The following TUBA1B variants were observed in gnomAD, a reference collection of about 807,000 sequenced individuals.
The protein encoded by TUBA1B is tubulin alpha-1B chain.
Under a neutral mutation model 34.4 loss-of-function variants are expected in TUBA1B, and 1 was observed. The observed-to-expected ratio is 0.03, with a 90% CI of 0.01 to 0.14. TUBA1B has a LOEUF of 0.14. Among genes scored for constraint, TUBA1B ranks in the 10% least tolerant of loss-of-function variants. The probability of loss-of-function intolerance (pLI) is 1.00; values close to 1 mark genes in which losing one functional copy is unlikely to be tolerated. For synonymous variants in TUBA1B, 197 were observed against 212.5 expected, an observed-to-expected ratio of 0.93 and a Z score of 0.64; for missense variants, 54 against 583.6, an observed-to-expected ratio of 0.09 and a Z score of 9.35.
intron 1 of TUBA1B, chr12:49,131,026 G>C (rs1941800584): frequency 2.3e-6 from 1 of 439,556 alleles, no homozygotes; most frequent in Non-Finnish European, 4.3e-6. Flanking sequence ...CGACAAAAGA[G>C]AGCTCCGGAT....
intron 1 of TUBA1B, 134 bp downstream of exon 1, chr12:49,131,164 C>G (rs1354573029): frequency 8.4e-7 from 1 of 1,183,492 alleles, no homozygotes; most frequent in African/African-American, 1.5e-5. Context: ...CCTGGCCTCT[C>G]GCCTCGTTTT....
intron 3 of TUBA1B, 130 bp downstream of exon 3, chr12:49,129,112 C>T: frequency 6.4e-7 from 1 of 1,569,582 alleles, no homozygotes; most frequent in South Asian, 1.2e-5. Context: ...TTTAGAAGTC[C>T]AATTAATATA....
rs775263264 is a variant in TUBA1B at position 49,129,326 on chromosome 12, T to C, written c.291A>G (p.Glu97=). ...CTCGGGCATAGTTATTGGCAGCATC[T>C]TCCTTGCCTGTGATGAGCTGCTCAG... ...FHPEQLITGK[E]DAANNYARGH... Residue 97 remains glutamate, a synonymous_variant, in exon 3 of 4, where the codon GAA becomes GAG. Transcript: ENST00000336023. 6.2e-7 allele frequency: 1 copy of C among 1,614,228 alleles called. No homozygotes were observed. The highest frequency in any genetic ancestry group is 1.1e-5 in the South Asian group (1 of 91,088).
In TUBA1B at chr12:49,128,980, A is replaced by G. The variant is rs1941771364; in HGVS notation, c.376-42T>C. On this transcript the variant is annotated intron_variant, in intron 3 of 3. Transcript: ENST00000336023. This position sits in a 1 kb window ranked among gnomAD's most constrained non-coding sequence, Gnocchi z 8.1. Reference sequence around the variant, plus strand: ...AAATGTAATATTTTAATGCCAGGACACATTATCTTAGAATTTCTATTTCAA... The same window carrying G: ...AAATGTAATATTTTAATGCCAGGACGCATTATCTTAGAATTTCTATTTCAA... 6.4e-7 allele frequency: 1 copy of G among 1,556,050 alleles called. No individual in the cohort carries two copies. The highest frequency in any genetic ancestry group is 1.4e-5 in the African/African-American group (1 of 72,376).
Position 49,131,378 on chromosome 12 carries a change from C to G in TUBA1B, c.-78G>C. 2 of 1,565,290 alleles carry G rather than the reference C, an allele frequency of 1.3e-6. No individual in the cohort carries two copies. Among genetic ancestry groups the G allele is most frequent in the Non-Finnish European group, 1.7e-6 (2 of 1,145,680 alleles). ...TTACCGTCCCCGACAAGCTAAGAGTCGAGGTAAGTAACGCACTAGGGCGGG... is the reference window on the plus strand; with the variant it reads ...TTACCGTCCCCGACAAGCTAAGAGTGGAGGTAAGTAACGCACTAGGGCGGG... On this transcript the variant is annotated 5_prime_UTR_variant, in exon 1 of 4. Transcript: ENST00000336023.
In TUBA1B at chr12:49,130,426, G is replaced by T. The variant is rs1330177285; in HGVS notation, c.4-704C>A. 14 of 1,179,472 alleles carry T rather than the reference G, an allele frequency of 1.2e-5. No individual in the cohort carries two copies. In the South Asian group the frequency reaches 1.4e-4, roughly 12 times the overall value. The allele number at this position is 1,179,472 out of a possible 1,614,324, so 73.1% of individuals were successfully genotyped here. A position where few individuals can be genotyped will look rare whatever the true frequency, so the allele number is the denominator to read the frequency against. On this transcript the variant is annotated intron_variant, in intron 1 of 3. Transcript: ENST00000336023. ...TGCTGCAGAGGCACGAAATGGCCAC[G>T]TCTGCAAAGGCGCTGCCCAAGCCGC...
At chr12:49,129,195 T>C in intron 3 of TUBA1B, 47 bp downstream of exon 3, 1 of 1,612,448 alleles carries the variant, frequency 6.2e-7, no homozygotes, top group Non-Finnish European at 8.5e-7. Context: ...CAACTTGCAC[T>C]GGAACTATCA....
rs1941807392 is a variant in TUBA1B, at chr12:49,131,378, C to A, written c.-78G>T. 2.6e-6 allele frequency: 4 copies of A among 1,565,282 alleles called. No homozygotes were observed. The South Asian group carries it at 3.4e-5, about 13-fold the overall frequency. On this transcript the variant is annotated 5_prime_UTR_variant, in exon 1 of 4. Transcript: ENST00000336023. ...TTACCGTCCCCGACAAGCTAAGAGT[C>A]GAGGTAAGTAACGCACTAGGGCGGG...
In TUBA1B at chr12:49,131,338, G is replaced by C; in HGVS notation, c.-38C>G. ...TTAGGAGGCGAAGGCGACAGGAGCA[G>C]ACACCGGGTCCCGGTTACCGTCCCC... is the stretch of plus-strand genomic sequence containing the variant. On this transcript the variant is annotated 5_prime_UTR_variant, in exon 1 of 4. Coordinates refer to ENST00000336023, the MANE Select transcript of TUBA1B (RefSeq NM_006082.3). 6.2e-7 allele frequency: 1 copy of C among 1,609,794 alleles called. No individual in the cohort carries two copies. The highest frequency in any genetic ancestry group is 8.5e-7 in the Non-Finnish European group (1 of 1,178,212).
At chr12:49,130,468 G>T in intron 1 of TUBA1B, 1 of 736,438 alleles carries the variant, frequency 1.4e-6, no homozygotes, top group Non-Finnish European at 2.0e-6. Flanking sequence ...TCCCTTGCCT[G>T]CCGGCATCGG....
chr12:49,130,013 A>T (rs1592246305), intron 1 of TUBA1B: 2 of 1,113,292 alleles, frequency 1.8e-6, no homozygotes, highest in East Asian at 6.1e-5. Flanking sequence ...TAATCTGAAA[A>T]CGAATTTCCT....
intron 1 of TUBA1B, 107 bp from the exon 2 acceptor site, chr12:49,129,829 G>C (rs1364031210): frequency 2.0e-5 from 30 of 1,518,012 alleles, no homozygotes; most frequent in Non-Finnish European, 2.4e-5. Context: ...AAGGTCTGTC[G>C]CCCAGGCTTG....
At chr12:49,130,343 C>T (rs1214970159) in intron 1 of TUBA1B, 1 of 1,289,230 alleles carries the variant, frequency 7.8e-7, no homozygotes, top group Admixed American at 2.3e-5. Context: ...AGGGGCGGGG[C>T]TCTGCGGCAC....
Position 49,129,372 on chromosome 12 carries a change from G to A in TUBA1B, c.245C>T (p.Thr82Ile). 4 of 1,614,210 alleles carry A rather than the reference G, an allele frequency of 2.5e-6. No homozygotes were observed. The highest frequency in any genetic ancestry group is 3.4e-6 in the Non-Finnish European group (4 of 1,180,030). ...CTCAGGGTGGAAGAGCTGGCGGTAG[G>A]TGCCAGTGCGAACTTCATCTGGAGG... ...PTVIDEVRTGTYRQLFHPEQL... is the reference protein window; with the variant it reads ...PTVIDEVRTGIYRQLFHPEQL... The change falls in exon 3 of 4, where the codon ACC (threonine) becomes ATC (isoleucine). Residue 82 changes from threonine to isoleucine, a missense_variant. By Grantham distance (89) the Thr-to-Ile change is moderately conservative (BLOSUM62 -1). Coordinates refer to ENST00000336023, the MANE Select transcript of TUBA1B (RefSeq NM_006082.3).
intron 1 of TUBA1B, chr12:49,130,405 G>A: frequency 7.9e-7 from 1 of 1,268,710 alleles, no homozygotes; most frequent in Non-Finnish European, 1.0e-6. Context: ...CGGCGGTGCT[G>A]CAGAGGCACG....
intron 1 of TUBA1B, chr12:49,131,078 C>T (rs934447402): frequency 9.4e-6 from 5 of 533,768 alleles, no homozygotes; most frequent in African/African-American, 3.8e-5. Flanking sequence ...TTCCAGAGTC[C>T]GAGAAGAAAT....
intron 1 of TUBA1B, chr12:49,130,044 A>G: frequency 8.5e-7 from 1 of 1,176,128 alleles, no homozygotes. Context: ...GATCTTTTCT[A>G]AAGATCCTTT....
At chr12:49,130,238 C>T (rs1284595753) in intron 1 of TUBA1B, 2 of 1,287,308 alleles carry the variant, frequency 1.6e-6, no homozygotes, top group African/African-American at 1.5e-5. Flanking sequence ...CCCCAGAAGC[C>T]CACTTTAGAC....
At chr12:49,130,116 T>C (rs766210289) in intron 1 of TUBA1B, 7 of 1,199,292 alleles carry the variant, frequency 5.8e-6, no homozygotes, top group African/African-American at 1.6e-5. Context: ...TAATGAATGT[T>C]ACCTTCCCAT....
Sources: allele counts gnomAD v4.1 joint callset, GRCh38; gene constraint gnomAD v4.1.1; non-coding constraint Gnocchi (gnomAD v3.1); transcripts MANE v1.5; gene names NCBI Gene and HGNC (gene_info 2026-07-23, HGNC 2026-07-21).